NBEA: variants seen among roughly 807,000 people sequenced by gnomAD.
The protein encoded by NBEA is neurobeachin.
In NBEA, 44 loss-of-function variants were observed where a neutral mutation model predicts 343.4. The observed-to-expected ratio is 0.13, with a 90% confidence interval of 0.10 to 0.16. The LOEUF is 0.16. Among genes scored for constraint, NBEA ranks in the 10% least tolerant of loss-of-function variants. NBEA has a pLI of 1.00. For synonymous variants in NBEA, 1,175 were observed against 1,238.7 expected (o/e 0.95, Z 1.08); for missense variants, 2,555 against 3,631.3 (o/e 0.70, Z 7.62).
At chr13:35,215,470 G>A (rs1470647557) in intron 33 of NBEA, among the ~76,000 whole-genome samples, 1 of 151,534 alleles carries the variant, frequency 6.6e-6, no homozygotes, top group Non-Finnish European at 1.5e-5. Flanking sequence ...AGTACATAGT[G>A]TATGATTCCA....
At chr13:34,964,678 G>A (rs554294807) in intron 1 of NBEA, among the ~76,000 whole-genome samples, 1 of 152,102 alleles carries the variant, frequency 6.6e-6, no homozygotes, top group Admixed American at 6.6e-5. Flanking sequence ...AAGAGAATCT[G>A]CAGATACCTA....
At chr13:35,070,460 G>A (rs1323766061) in intron 9 of NBEA, among the ~76,000 whole-genome samples, 1 of 151,874 alleles carries the variant, frequency 6.6e-6, no homozygotes, top group Non-Finnish European at 1.5e-5. Flanking sequence ...TCCATCAATA[G>A]TATTTCTGAT....
At chr13:34,949,644 G>A (rs2059291435) in intron 1 of NBEA, among the ~76,000 whole-genome samples, 1 of 152,136 alleles carries the variant, frequency 6.6e-6, no homozygotes, top group Non-Finnish European at 1.5e-5. Flanking sequence ...TTTGAAATTA[G>A]TTATCATGGT....
At chr13:35,363,665 C>G (rs486056) in intron 38 of NBEA, among the ~76,000 whole-genome samples, 36,140 of 151,708 alleles carry the variant, frequency 0.24, 5,840 homozygotes, top group African/African-American at 0.46. Context: ...GCTTATTTCT[C>G]TGATCCATTT....
chr13:35,109,317 G>A lies in NBEA; in HGVS notation c.1708G>A (p.Val570Ile). Residue 570 changes from valine to isoleucine, a missense_variant, in exon 12 of 59, where the codon GTC becomes ATC. This residue lies in a region of NBEA where 360 missense variants were observed against 519.1 expected (regional missense o/e 0.69). Coordinates refer to ENST00000379939, the MANE Select transcript of NBEA (RefSeq NM_001385012.1). ...KSSRVHITRA[V>I]LEQFLSFAKY... ...ATCAAGAGTTCATATAACTAGAGCT[G>A]TCCTGGAGCAATTTTTATCTTTTGC... 6.2e-7 allele frequency: 1 copy of A among 1,611,650 alleles called. No individual in the cohort carries two copies. Among genetic ancestry groups the A allele is most frequent in the Non-Finnish European group, 8.5e-7 (1 of 1,178,698 alleles).
At chr13:35,225,198 AT>A (rs2074584633) in intron 33 of NBEA, among the ~76,000 whole-genome samples, 1 of 152,044 alleles carries the variant, frequency 6.6e-6, no homozygotes, top group East Asian at 1.9e-4. Context: ...TCTAGACTCC[AT>A]TTTAGTCAAG....
At chr13:35,111,720 A>G (rs2066217828) in intron 13 of NBEA, among the ~76,000 whole-genome samples, 1 of 151,896 alleles carries the variant, frequency 6.6e-6, no homozygotes, top group African/African-American at 2.4e-5. Flanking sequence ...ATATGTGTTT[A>G]CCTCCATCTT....
chr13:35,062,609 A>G lies in NBEA; in HGVS notation c.1239+3746A>G, dbSNP rs1190685877. ...GAAATCAGGCAGAGGAAAACTAGAC[A>G]TTGATAAGGGAACAATAATTTGAAT... On this transcript the variant is annotated intron_variant, in intron 8 of 58. Coordinates refer to ENST00000379939, the MANE Select transcript of NBEA (RefSeq NM_001385012.1). Among the ~76,000 whole-genome samples the G allele has an allele frequency of 4.0e-5, 6 of 151,888 alleles. No individual in the cohort carries two copies. The South Asian group carries it at 6.2e-4, about 16-fold the overall frequency.
At chr13:35,470,063 T>A (rs1246458773) in intron 40 of NBEA, among the ~76,000 whole-genome samples, 1 of 152,206 alleles carries the variant, frequency 6.6e-6, no homozygotes, top group Non-Finnish European at 1.5e-5. Context: ...TCAGTGCTCC[T>A]TAAACATGCT....
intron 1 of NBEA, among the ~76,000 whole-genome samples, chr13:34,954,340 A>T (rs1017811079): frequency 1.3e-5 from 2 of 152,186 alleles, no homozygotes; most frequent in African/African-American, 2.4e-5. Context: ...TCTTTTGAGG[A>T]TCAGCACATT....
chr13:35,626,463 A>G (rs192907210), intron 48 of NBEA, among the ~76,000 whole-genome samples: 83 of 152,326 alleles, frequency 5.4e-4, no homozygotes, highest in African/African-American at 2.0e-3. Flanking sequence ...CTTTAGTGGT[A>G]TCTATAAGAT....
intron 17 of NBEA, among the ~76,000 whole-genome samples, chr13:35,139,552 A>G (rs2152692910): frequency 6.6e-6 from 1 of 152,198 alleles, no homozygotes; most frequent in South Asian, 2.1e-4. Context: ...TATAAAGCAA[A>G]TCAGCACTAA....
intron 1 of NBEA, among the ~76,000 whole-genome samples, chr13:34,992,839 A>ATT (rs11434153): frequency 0.37 from 50,618 of 136,276 alleles, 9,925 homozygotes; most frequent in Admixed American, 0.44. Context: ...CACCCGGCTA[A>ATT]TTTTTTTTTT....
chr13:34,989,555 G>A (rs532349878), intron 1 of NBEA, among the ~76,000 whole-genome samples: 2 of 150,860 alleles, frequency 1.3e-5, no homozygotes, highest in East Asian at 3.9e-4. Context: ...GGGGAAGTCT[G>A]CCTCCGTGGT....
At chr13:35,167,503 G>A (rs2070130808) in intron 24 of NBEA, among the ~76,000 whole-genome samples, 1 of 151,858 alleles carries the variant, frequency 6.6e-6, no homozygotes, top group South Asian at 2.1e-4. Flanking sequence ...TAGTACTCTT[G>A]AAGAAGCAGC....
chr13:35,596,096 G>A (rs370252284), intron 47 of NBEA, among the ~76,000 whole-genome samples: 22 of 151,936 alleles, frequency 1.4e-4, no homozygotes, highest in Admixed American at 9.8e-4. Flanking sequence ...GTGCGTGTGC[G>A]TGTGTGTGCA....
chr13:35,245,982 T>A lies in NBEA; in HGVS notation c.5776+13363T>A, dbSNP rs1365262911. 2.0e-5 allele frequency among the ~76,000 whole-genome samples: 3 copies of A among 152,190 alleles called. No homozygotes were observed. The East Asian group carries it at 5.8e-4, about 29-fold the overall frequency. ...ACTTCTTGGAGGCTTTGTTCATTTT[T>A]AAATTCTTTTTTCTTTGTCTTTGCT... On this transcript the variant is annotated intron_variant, in intron 34 of 58. Transcript: ENST00000379939.
At chr13:35,552,252 A>G (rs1235042423) in intron 43 of NBEA, among the ~76,000 whole-genome samples, 1 of 152,194 alleles carries the variant, frequency 6.6e-6, no homozygotes, top group South Asian at 2.1e-4. Flanking sequence ...CCTTTAATCT[A>G]CAGGACCTAA....
intron 41 of NBEA, chr13:35,476,376 G>A: frequency 1.7e-6 from 2 of 1,149,512 alleles, no homozygotes; most frequent in East Asian, 2.6e-5. Context: ...TTTTATCTTT[G>A]AGCCCAGCCG....
Sources: allele counts gnomAD v4.1 joint callset (sites outside exome capture counted in the v4.1 genomes callset), GRCh38; gene constraint gnomAD v4.1.1; regional missense constraint gnomAD v4.1.1; transcripts MANE v1.5; gene names NCBI Gene and HGNC (gene_info 2026-07-23, HGNC 2026-07-21).